The following ZFP64 variants were observed in gnomAD, a reference collection of about 807,000 sequenced individuals.
ZFP64 encodes the protein ZFP64 zinc finger protein.
Under a neutral mutation model 51.6 loss-of-function variants are expected in ZFP64, and 14 were observed. The observed-to-expected ratio is 0.27, with a 90% CI of 0.18 to 0.42. The LOEUF is 0.42. Among genes scored for constraint, ZFP64 ranks in the 10% least tolerant of loss-of-function variants. ZFP64 has a pLI of 1.00. For missense variants in ZFP64, 754 were observed against 906.8 expected (o/e 0.83, Z 2.16); for synonymous variants, 375 against 361.4 (o/e 1.04, Z -0.43).
downstream of ZFP64, among the ~76,000 whole-genome samples, chr20:52,150,481 A>G (rs982177142): frequency 2.0e-5 from 3 of 152,236 alleles, no homozygotes; most frequent in Admixed American, 6.5e-5. Context: ...GCTGTAAGCA[A>G]TAAGTTTAAA....
chr20:52,096,885 T>C (rs562462268), intron 7 of ZFP64: 4 of 353,014 alleles, frequency 1.1e-5, no homozygotes, highest in South Asian at 6.5e-5. Flanking sequence ...CAGGACTCTG[T>C]CTCAGAGAAA....
intron 5 of ZFP64, among the ~76,000 whole-genome samples, chr20:52,103,859 A>G (rs1457919200): frequency 6.6e-6 from 1 of 152,214 alleles, no homozygotes. Flanking sequence ...ATTTTAACAT[A>G]TAAGCTATTC....
At chr20:52,127,280 G>C (rs570096507) in intron 5 of ZFP64, among the ~76,000 whole-genome samples, 1 of 151,984 alleles carries the variant, frequency 6.6e-6, no homozygotes, top group African/African-American at 2.4e-5. Flanking sequence ...AAGTGATACG[G>C]TTAGAAATTT....
At chr20:52,103,310 G>A (rs987352414) in intron 5 of ZFP64, among the ~76,000 whole-genome samples, 29 of 152,184 alleles carry the variant, frequency 1.9e-4, no homozygotes, top group African/African-American at 7.0e-4. Flanking sequence ...AGCTACTTGA[G>A]TTGCAAAGAC....
chr20:52,164,048 C>T lies in ZFP64; in HGVS notation c.511+647G>A, dbSNP rs577338705. On this transcript the variant is annotated intron_variant, in intron 4 of 5. Coordinates refer to ENST00000216923, the MANE Select transcript of ZFP64 (RefSeq NM_018197.3). ...AGTTTTGGCCAGGTGCAGTGGCTCA[C>T]ACCTGTAAACCTAGCACTTTGGGAA... 1.1e-4 allele frequency among the ~76,000 whole-genome samples: 16 copies of T among 152,280 alleles called. No individual in the cohort carries two copies. The South Asian group carries it at 3.1e-3, about 30-fold the overall frequency.
At chr20:52,098,609 G>T (rs1208445052) in intron 5 of ZFP64, 1 of 1,613,838 alleles carries the variant, frequency 6.2e-7, no homozygotes, top group East Asian at 2.2e-5. Context: ...GCATAGTTTT[G>T]CTTAGTTTCT....
At chr20:52,174,460 G>T (rs1246306507) in intron 2 of ZFP64, among the ~76,000 whole-genome samples, 1 of 132,570 alleles carries the variant, frequency 7.5e-6, no homozygotes, top group African/African-American at 2.8e-5. Flanking sequence ...TCCAGCCTGG[G>T]CAACAGAGTG....
chr20:52,100,615 GGTT>G (rs1488075015), intron 5 of ZFP64, among the ~76,000 whole-genome samples: 1 of 152,130 alleles, frequency 6.6e-6, no homozygotes, highest in East Asian at 1.9e-4. Context: ...TCTGTCCTAA[GGTT>G]ATTACAAAAG....
intron 5 of ZFP64, chr20:52,110,402 T>G (rs1261220792): frequency 5.1e-6 from 3 of 590,068 alleles, no homozygotes; most frequent in Non-Finnish European, 9.2e-6. Context: ...GTTTAAGCTC[T>G]TCTGGAGCTC....
At chr20:52,112,095 A>AC (rs201709265) in intron 5 of ZFP64, among the ~76,000 whole-genome samples, 8,001 of 140,418 alleles carry the variant, frequency 0.057, 798 homozygotes, top group African/African-American at 0.2. Flanking sequence ...AAAAAAAAAA[A>AC]AAAAACAAAA....
At position 52,174,361 on chromosome 20, in the gene ZFP64, C is replaced by T. The variant is rs183650096; in HGVS notation, c.287-8336G>A. On this transcript the variant is annotated intron_variant, in intron 2 of 5. Transcript: ENST00000216923. ...ATTAGCTGGGTGTGGTGGTGGGTACCTGTAATCCCAGCTACTCGGGAGGCT... is the reference window on the plus strand; with the variant it reads ...ATTAGCTGGGTGTGGTGGTGGGTACTTGTAATCCCAGCTACTCGGGAGGCT... 2.4e-3 allele frequency among the ~76,000 whole-genome samples: 367 copies of T among 151,730 alleles called. 3 individuals carry two copies. The highest frequency in any genetic ancestry group is 8.4e-3 in the African/African-American group (349 of 41,396).
At chr20:52,084,744 G>T in exon 9 of ZFP64, 1 of 1,614,258 alleles carries the variant, frequency 6.2e-7, no homozygotes, top group Admixed American at 1.7e-5. Context: ...GGCGCCGCAG[G>T]TCTCACAGCG....
chr20:52,132,028 T>C (rs1403666232), intron 5 of ZFP64, among the ~76,000 whole-genome samples: 1 of 152,178 alleles, frequency 6.6e-6, no homozygotes, highest in East Asian at 1.9e-4. Flanking sequence ...TCATCTTCTC[T>C]GACCACAATG....
At chr20:52,162,943 A>G (rs1222619680) in intron 4 of ZFP64, among the ~76,000 whole-genome samples, 1 of 151,750 alleles carries the variant, frequency 6.6e-6, no homozygotes, top group Non-Finnish European at 1.5e-5. Context: ...CAGAGACCGC[A>G]GAAACTATCC....
At chr20:52,177,081 G>C (rs1983282961) in intron 2 of ZFP64, among the ~76,000 whole-genome samples, 1 of 133,366 alleles carries the variant, frequency 7.5e-6, no homozygotes, top group African/African-American at 2.8e-5. Context: ...TCATTCCTCA[G>C]ATCTGTTGAG....
chr20:52,141,076 G>A (rs1980232708), intron 5 of ZFP64, among the ~76,000 whole-genome samples: 1 of 152,170 alleles, frequency 6.6e-6, no homozygotes, highest in Non-Finnish European at 1.5e-5. Flanking sequence ...GCCCCATGTT[G>A]AGACCTACTG....
rs535697528 is a variant in ZFP64 at position 52,100,324 on chromosome 20, CA to C, written c.764-1738del. Among the ~76,000 whole-genome samples, 16 of 152,260 alleles carry C rather than the reference CA, an allele frequency of 1.1e-4. No homozygotes were observed. The East Asian group carries it at 3.1e-3, about 29-fold the overall frequency. On this transcript the variant is annotated intron_variant, in intron 5 of 8. Coordinates refer to the ZFP64 transcript ENST00000361387. ...GCAGTGGTACCATCTCAGCTCACTG[CA>C]ACCTCTGCCTCCTGGGTTCAAGCGA... is the stretch of plus-strand genomic sequence containing the variant.
At chr20:52,115,927 C>T (rs528507239) in intron 5 of ZFP64, among the ~76,000 whole-genome samples, 11 of 152,240 alleles carry the variant, frequency 7.2e-5, no homozygotes, top group African/African-American at 2.4e-4. Flanking sequence ...CTCCATCTCC[C>T]GGATTTAAGC....
chr20:52,132,836 G>A (rs1979786808), intron 5 of ZFP64, among the ~76,000 whole-genome samples: 1 of 151,932 alleles, frequency 6.6e-6, no homozygotes, highest in Non-Finnish European at 1.5e-5. Flanking sequence ...GAGCAGGAGG[G>A]AATATTTCCA....
Sources: gnomAD v4.1 joint callset for allele counts (sites outside exome capture counted in the v4.1 genomes callset) on GRCh38, gnomAD v4.1.1 for gene constraint, MANE v1.5 for transcripts, NCBI Gene and HGNC (gene_info 2026-07-23, HGNC 2026-07-21) for gene names.